The following ROBO1 variants were observed in gnomAD, a reference collection of about 807,000 sequenced individuals.
ROBO1 encodes the protein roundabout homolog 1.
In ROBO1, 149 loss-of-function variants were observed where a neutral mutation model predicts 195.9. The observed-to-expected ratio is 0.76, with a 90% CI of 0.67 to 0.87. The LOEUF is 0.87. Among genes scored for constraint, ROBO1 ranks in the 40% least tolerant of loss-of-function variants. The probability of loss-of-function intolerance (pLI) is 0.00; values close to 1 mark genes in which losing one functional copy is unlikely to be tolerated. For missense variants in ROBO1, 1,933 were observed against 2,068.3 expected (o/e 0.93, Z 1.27); for synonymous variants, 816 against 733.2 (o/e 1.11, Z -1.82).
intron 2 of ROBO1, among the ~76,000 whole-genome samples, chr3:79,177,901 A>G (rs1470985160): frequency 5.3e-5 from 8 of 152,254 alleles, no homozygotes; most frequent in African/African-American, 1.7e-4. Flanking sequence ...AAGAAATTAT[A>G]TCTTCAATTT....
intron 2 of ROBO1, among the ~76,000 whole-genome samples, chr3:79,202,175 C>T (rs896251766): frequency 5.3e-5 from 8 of 151,848 alleles, no homozygotes. Context: ...CCTCCAATAC[C>T]GATAACTGAT....
At chr3:79,031,979 G>A (rs1377129931) in intron 3 of ROBO1, among the ~76,000 whole-genome samples, 2 of 151,986 alleles carry the variant, frequency 1.3e-5, no homozygotes, top group South Asian at 2.1e-4. Context: ...TTAAACAATA[G>A]TGAGATGGAC....
Position 79,017,626 on chromosome 3 carries a change from T to C in ROBO1, c.173-78699A>G, listed in dbSNP as rs1437935583. Among the ~76,000 whole-genome samples, 3 of 152,110 alleles carry C rather than the reference T, an allele frequency of 2.0e-5. No individual in the cohort carries two copies. In the East Asian group the frequency reaches 5.8e-4, roughly 29 times the overall value. On this transcript the variant is annotated intron_variant, in intron 3 of 30. Transcript: ENST00000464233. ...GGAGTGTATGAAAACTATTTACAAGTGTAGATACAGTGTGTACTCTTATGT... is the reference window on the plus strand; with the variant it reads ...GGAGTGTATGAAAACTATTTACAAGCGTAGATACAGTGTGTACTCTTATGT...
intron 2 of ROBO1, among the ~76,000 whole-genome samples, chr3:79,535,925 T>G (rs1490079534): frequency 6.6e-6 from 1 of 152,106 alleles, no homozygotes; most frequent in Admixed American, 6.6e-5. Context: ...TTGTATGCAT[T>G]TATTGCACAT....
intron 2 of ROBO1, among the ~76,000 whole-genome samples, chr3:79,462,042 A>G (rs1292798514): frequency 6.6e-6 from 1 of 152,226 alleles, no homozygotes; most frequent in Non-Finnish European, 1.5e-5. Flanking sequence ...AAATTATGAT[A>G]TATCAGTCAA....
chr3:79,279,807 A>G (rs1395897450), intron 2 of ROBO1, among the ~76,000 whole-genome samples: 1 of 151,192 alleles, frequency 6.6e-6, no homozygotes, highest in African/African-American at 2.4e-5. Flanking sequence ...TAGGTGTCCA[A>G]CAACAAAGCT....
chr3:78,626,139 CA>C (rs900948646), intron 26 of ROBO1, among the ~76,000 whole-genome samples: 1 of 151,510 alleles, frequency 6.6e-6, no homozygotes, highest in African/African-American at 2.4e-5. Flanking sequence ...GACAAGGGAA[CA>C]AAAAAAACAA....
intron 2 of ROBO1, among the ~76,000 whole-genome samples, chr3:79,485,229 A>G (rs1939096917): frequency 6.6e-6 from 1 of 152,070 alleles, no homozygotes; most frequent in African/African-American, 2.4e-5. Context: ...AAAATAAGAC[A>G]TTTTATTAAT....
At chr3:78,643,272 G>C (rs183359286) in intron 21 of ROBO1, among the ~76,000 whole-genome samples, 39 of 152,274 alleles carry the variant, frequency 2.6e-4, no homozygotes, top group Admixed American at 1.8e-3. Flanking sequence ...AAACAAATGA[G>C]CCTAGCTGTA....
intron 3 of ROBO1, among the ~76,000 whole-genome samples, chr3:79,096,638 C>T (rs1212357786): frequency 2.0e-5 from 3 of 150,696 alleles, no homozygotes; most frequent in Non-Finnish European, 4.4e-5. Context: ...TGCATGTATA[C>T]ACATAGGAAG....
chr3:79,366,122 G>A (rs116129106), intron 2 of ROBO1, among the ~76,000 whole-genome samples: 2,120 of 152,138 alleles, frequency 0.014, 45 homozygotes, highest in African/African-American at 0.047. Flanking sequence ...CTTAGCAAGT[G>A]GGGGCAAGAT....
intron 4 of ROBO1, among the ~76,000 whole-genome samples, chr3:78,923,702 A>C (rs1341322638): frequency 6.6e-6 from 1 of 152,066 alleles, no homozygotes; most frequent in Non-Finnish European, 1.5e-5. Flanking sequence ...CTGCCCGAGA[A>C]ATCTGTCCCC....
chr3:79,278,474 T>C (rs2108993959), intron 2 of ROBO1, among the ~76,000 whole-genome samples: 1 of 152,222 alleles, frequency 6.6e-6, no homozygotes, highest in African/African-American at 2.4e-5. Context: ...AGCAGCATAA[T>C]GCTGCATGGA....
chr3:78,935,754 T>C (rs925839176), intron 4 of ROBO1, among the ~76,000 whole-genome samples: 3 of 152,058 alleles, frequency 2.0e-5, no homozygotes, highest in Admixed American at 2.0e-4. Flanking sequence ...GACATGATTA[T>C]TGGTTTGCAA....
chr3:79,655,030 T>A (rs1190752651), intron 1 of ROBO1, among the ~76,000 whole-genome samples: 1 of 152,012 alleles, frequency 6.6e-6, no homozygotes, highest in East Asian at 1.9e-4. Context: ...GAAGTCACGT[T>A]AATAGCACAC....
intron 4 of ROBO1, among the ~76,000 whole-genome samples, chr3:78,811,162 A>C (rs1280282673): frequency 1.3e-5 from 2 of 152,202 alleles, no homozygotes; most frequent in Non-Finnish European, 2.9e-5. Context: ...AATGGGATTC[A>C]AATGGAAACC....
At position 78,960,271 on chromosome 3, in the gene ROBO1, C is replaced by T. The variant is rs200504847; in HGVS notation, c.173-21344G>A. Among the ~76,000 whole-genome samples, 17 of 151,372 alleles carry T rather than the reference C, an allele frequency of 1.1e-4. No homozygotes were observed. The East Asian group carries it at 3.3e-3, about 29-fold the overall frequency. On this transcript the variant is annotated intron_variant, in intron 3 of 30. Coordinates refer to ENST00000464233, the MANE Select transcript of ROBO1 (RefSeq NM_002941.4). Reference sequence around the variant, plus strand: ...AAAAATGAATATCTGCAAATATCTACCAATGCAAATAGAGGTAATATTAAT... The same window carrying T: ...AAAAATGAATATCTGCAAATATCTATCAATGCAAATAGAGGTAATATTAAT...
chr3:78,935,020 T>G (rs181734021), intron 4 of ROBO1, among the ~76,000 whole-genome samples: 1 of 152,020 alleles, frequency 6.6e-6, no homozygotes, highest in African/African-American at 2.4e-5. Context: ...ACTGTATAAT[T>G]TGAATTCTAA....
chr3:79,439,103 G>A (rs2107107674), intron 2 of ROBO1, among the ~76,000 whole-genome samples: 1 of 152,000 alleles, frequency 6.6e-6, no homozygotes, highest in South Asian at 2.1e-4. Flanking sequence ...ATGTTTCTCA[G>A]GGTTGATGTG....
Sources: gnomAD v4.1 joint callset for allele counts (sites outside exome capture counted in the v4.1 genomes callset) on GRCh38, gnomAD v4.1.1 for gene constraint, MANE v1.5 for transcripts, NCBI Gene and HGNC (gene_info 2026-07-23, HGNC 2026-07-21) for gene names.